PACRG: variants seen among roughly 807,000 people sequenced by gnomAD.
PACRG encodes parkin coregulated gene protein.
Under a neutral mutation model 29.7 loss-of-function variants are expected in PACRG, and 29 were observed. The observed-to-expected ratio is 0.98, with a 90% confidence interval of 0.73 to 1.33. The LOEUF is 1.33. Ranked by LOEUF, PACRG falls within the 40% of genes most tolerant of loss-of-function variation. The pLI is 0.00. For missense variants in PACRG, 279 were observed against 316.2 expected (o/e 0.88, Z 0.89); for synonymous variants, 116 against 118.7 (o/e 0.98, Z 0.15).
intron 4 of PACRG, among the ~76,000 whole-genome samples, chr6:163,262,485 C>T (rs1398917893): frequency 1.3e-5 from 2 of 151,788 alleles, no homozygotes; most frequent in East Asian, 1.9e-4. Flanking sequence ...AATATCTGAT[C>T]AAAGCGAATC....
At chr6:163,281,153 G>C (rs139718923) in intron 4 of PACRG, among the ~76,000 whole-genome samples, 79 of 152,216 alleles carry the variant, frequency 5.2e-4, no homozygotes, top group African/African-American at 1.5e-3. Context: ...GGGCTGGAGC[G>C]GTGGAGAGGT....
intron 2 of PACRG, among the ~76,000 whole-genome samples, chr6:163,049,571 A>C (rs1436271667): frequency 6.6e-6 from 1 of 152,064 alleles, no homozygotes; most frequent in East Asian, 1.9e-4. Context: ...CTCAAGACTA[A>C]TTTCTCTAAT....
rs947299691 is a variant in PACRG at position 163,295,551 on chromosome 6, G to A, written c.614-19276G>A. On this transcript the variant is annotated intron_variant, in intron 4 of 4. Transcript: ENST00000366888. ...GAACTCCTTGAATTGATCTTATTAC[G>A]GAAGTGAAAGAAAGTAACATTTTTT... Among the ~76,000 whole-genome samples the A allele has an allele frequency of 9.2e-5, 14 of 152,116 alleles. No individual in the cohort carries two copies. The East Asian group carries it at 1.2e-3, about 13-fold the overall frequency.
At chr6:163,248,050 A>G (rs1782758016) in intron 4 of PACRG, among the ~76,000 whole-genome samples, 1 of 152,210 alleles carries the variant, frequency 6.6e-6, no homozygotes, top group African/African-American at 2.4e-5. Flanking sequence ...CCTATGCTGC[A>G]AAGCCATCTC....
chr6:163,082,605 C>G (rs1394727033), intron 3 of PACRG, among the ~76,000 whole-genome samples: 2 of 152,076 alleles, frequency 1.3e-5, no homozygotes, highest in African/African-American at 4.8e-5. Flanking sequence ...AAAAGATAGT[C>G]CCTTCTGTTA....
intron 4 of PACRG, among the ~76,000 whole-genome samples, chr6:163,114,182 G>A (rs1207215709): frequency 2.0e-5 from 3 of 152,144 alleles, no homozygotes; most frequent in Non-Finnish European, 4.4e-5. Flanking sequence ...CCCAGGAGGT[G>A]GAGGTTTCAG....
At chr6:163,307,226 A>T (rs1785223577) in intron 4 of PACRG, among the ~76,000 whole-genome samples, 1 of 152,230 alleles carries the variant, frequency 6.6e-6, no homozygotes, top group African/African-American at 2.4e-5. Context: ...CAATGGCCCC[A>T]TTCAGAAGAT....
At chr6:163,198,813 C>A (rs1044178608) in intron 4 of PACRG, among the ~76,000 whole-genome samples, 1 of 152,060 alleles carries the variant, frequency 6.6e-6, no homozygotes, top group South Asian at 2.1e-4. Flanking sequence ...GTGCCCAAGG[C>A]GGTTGGGGCA....
chr6:163,231,844 G>A (rs140688690), intron 4 of PACRG, among the ~76,000 whole-genome samples: 17 of 152,312 alleles, frequency 1.1e-4, no homozygotes, highest in Admixed American at 2.0e-4. Context: ...CTGGCTGCAG[G>A]TTGGCCATGA....
intron 2 of PACRG, among the ~76,000 whole-genome samples, chr6:163,036,280 T>A (rs2128232988): frequency 6.6e-6 from 1 of 152,340 alleles, no homozygotes; most frequent in Middle Eastern, 3.4e-3. Context: ...TATTTAGCTC[T>A]CTCATTTTCC....
At chr6:162,875,136 C>G (rs1291629064) in intron 2 of PACRG, among the ~76,000 whole-genome samples, 1 of 149,872 alleles carries the variant, frequency 6.7e-6, no homozygotes, top group Admixed American at 6.7e-5. Context: ...CATGCACATT[C>G]ACACGCAGAC....
chr6:162,791,185 T>G (rs1030854572), intron 1 of PACRG, among the ~76,000 whole-genome samples: 1 of 152,170 alleles, frequency 6.6e-6, no homozygotes, highest in Non-Finnish European at 1.5e-5. Context: ...GCAGCCTCCC[T>G]ATTACATAGA....
intron 1 of PACRG, among the ~76,000 whole-genome samples, chr6:162,734,809 A>C (rs767829379): frequency 6.6e-6 from 1 of 152,336 alleles, no homozygotes; most frequent in South Asian, 2.1e-4. Flanking sequence ...CTTGGTGAAT[A>C]TCAAACCAAA....
chr6:163,247,945 T>C (rs1782754416), intron 4 of PACRG, among the ~76,000 whole-genome samples: 1 of 152,232 alleles, frequency 6.6e-6, no homozygotes, highest in Admixed American at 6.5e-5. Context: ...TCTGTAACAT[T>C]GGCACGGTAG....
intron 4 of PACRG, among the ~76,000 whole-genome samples, chr6:163,282,712 C>CA (rs558182240): frequency 0.091 from 8,260 of 90,990 alleles, 257 homozygotes; most frequent in Middle Eastern, 0.15. Context: ...AACTCCATCT[C>CA]AAAAAAAAAA....
Position 163,062,377 on chromosome 6 carries a change from A to G in PACRG, c.463+56A>G, listed in dbSNP as rs1398823982. ...GTTTATACGGTGTTGCTTTTTGACAACTTGCTAATTAAGCAATAAACCATG... is the reference window on the plus strand; with the variant it reads ...GTTTATACGGTGTTGCTTTTTGACAGCTTGCTAATTAAGCAATAAACCATG... On this transcript the variant is annotated intron_variant, in intron 3 of 4. Transcript: ENST00000366888. 4 of 1,512,420 alleles carry G rather than the reference A, an allele frequency of 2.6e-6. No individual in the cohort carries two copies. In the African/African-American group the frequency reaches 5.6e-5, roughly 21 times the overall value. The allele number at this position is 1,512,420 out of a possible 1,614,324, so 93.7% of individuals were successfully genotyped here.
At chr6:162,824,840 G>A (rs1358160457) in intron 2 of PACRG, among the ~76,000 whole-genome samples, 1 of 152,176 alleles carries the variant, frequency 6.6e-6, no homozygotes, top group East Asian at 1.9e-4. Flanking sequence ...CTTTCAAAGA[G>A]TATATATCAA....
chr6:162,791,621 T>A (rs1316331051), intron 1 of PACRG, among the ~76,000 whole-genome samples: 1 of 152,210 alleles, frequency 6.6e-6, no homozygotes, highest in Non-Finnish European at 1.5e-5. Flanking sequence ...AATTAATGAA[T>A]GTCACTTGTC....
At chr6:162,871,558 T>C (rs1792805906) in intron 2 of PACRG, among the ~76,000 whole-genome samples, 1 of 152,188 alleles carries the variant, frequency 6.6e-6, no homozygotes, top group South Asian at 2.1e-4. Context: ...CACATTCTCA[T>C]ATATATGTTT....
Sources: gnomAD v4.1 joint callset for allele counts (sites outside exome capture counted in the v4.1 genomes callset) on GRCh38, gnomAD v4.1.1 for gene constraint, MANE v1.5 for transcripts, NCBI Gene and HGNC (gene_info 2026-07-23, HGNC 2026-07-21) for gene names.